Variants in DNAJC1 observed in about 807,000 individuals in gnomAD.
DNAJC1 encodes the protein dnaJ homolog subfamily C member 1.
A neutral mutation model predicts 76.6 loss-of-function variants in DNAJC1; 58 were observed. The observed-to-expected ratio is 0.76, with a 90% confidence interval of 0.61 to 0.94. DNAJC1 has a LOEUF of 0.94. DNAJC1 is among the 40% of genes least tolerant of loss of function. DNAJC1 has a pLI of 0.00. For synonymous variants in DNAJC1, 258 were observed against 267.9 expected, an observed-to-expected ratio of 0.96 and a Z score of 0.36; for missense variants, 689 against 677.3, an observed-to-expected ratio of 1.02 and a Z score of -0.19.
In DNAJC1 at chr10:21,766,266, G is replaced by A. The variant is rs1032034656; in HGVS notation, c.1142C>T (p.Ser381Phe). Reference sequence around the variant, plus strand: ...TAGAGGAAGTATGAACTCACCTGGGGAGCAGGTCACTGAATCCTTCAGTTG... The same window carrying A: ...TAGAGGAAGTATGAACTCACCTGGGAAGCAGGTCACTGAATCCTTCAGTTG... ...AKQLKDSVTC[S>F]PGMVRLSELK... Residue 381 changes from serine to phenylalanine, a missense_variant, in exon 10 of 12, where the codon TCC becomes TTC. Transcript: ENST00000376980. 6.8e-6 allele frequency: 11 copies of A among 1,611,624 alleles called. No homozygotes were observed. Among genetic ancestry groups the A allele is most frequent in the Non-Finnish European group, 9.3e-6 (11 of 1,177,882 alleles).
intron 8 of DNAJC1, among the ~76,000 whole-genome samples, chr10:21,866,239 C>T (rs1380909798): frequency 6.8e-6 from 1 of 146,554 alleles, no homozygotes. Context: ...TATTACATAA[C>T]AATGGAATGA....
At chr10:21,837,754 G>A (rs1188550088) in intron 8 of DNAJC1, among the ~76,000 whole-genome samples, 2 of 150,076 alleles carry the variant, frequency 1.3e-5, no homozygotes, top group Non-Finnish European at 3.0e-5. Flanking sequence ...CCTCTGCCCG[G>A]CAGCCGCCTG....
intron 8 of DNAJC1, among the ~76,000 whole-genome samples, chr10:21,842,912 ATGTTCTCAAATGTATCCCC>A (rs1359519762): frequency 6.6e-6 from 1 of 152,220 alleles, no homozygotes; most frequent in Admixed American, 6.5e-5. Flanking sequence ...AGGGGTCATT[ATGTTCTCAAATGTATCCCC>A]TGTGCTTAGT....
At chr10:21,799,992 C>G (rs1165505599) in intron 9 of DNAJC1, among the ~76,000 whole-genome samples, 1 of 152,140 alleles carries the variant, frequency 6.6e-6, no homozygotes, top group Non-Finnish European at 1.5e-5. Flanking sequence ...GTTTAAAGAT[C>G]TGTGTATGCT....
chr10:21,949,532 T>G lies in DNAJC1; in HGVS notation c.223-20391A>C, dbSNP rs183733007. On this transcript the variant is annotated intron_variant, in intron 1 of 11. Coordinates refer to ENST00000376980, the MANE Select transcript of DNAJC1 (RefSeq NM_022365.4). ...CCAGAGTTCAAGTGATTCTTGTGTT[T>G]CAGCCTCCCAAGTAGCTGGGATTAC... 2.6e-5 allele frequency among the ~76,000 whole-genome samples: 4 copies of G among 151,468 alleles called. No homozygotes were observed. In the East Asian group the frequency reaches 5.8e-4, roughly 22 times the overall value.
intron 1 of DNAJC1, among the ~76,000 whole-genome samples, chr10:21,944,098 T>C (rs546122641): frequency 2.0e-5 from 3 of 151,974 alleles, no homozygotes; most frequent in Admixed American, 1.3e-4. Flanking sequence ...TTCAACACTA[T>C]GCAAAACAGG....
At chr10:21,839,015 A>G (rs1359056946) in intron 8 of DNAJC1, among the ~76,000 whole-genome samples, 1 of 152,226 alleles carries the variant, frequency 6.6e-6, no homozygotes, top group African/African-American at 2.4e-5. Flanking sequence ...GTAAATAAAG[A>G]AAGGAAGGCA....
intron 8 of DNAJC1, among the ~76,000 whole-genome samples, chr10:21,872,494 A>G (rs186305136): frequency 4.0e-4 from 61 of 152,330 alleles, no homozygotes; most frequent in Admixed American, 9.8e-4. Context: ...TAAAGGGCAA[A>G]TAGAAATTCT....
At chr10:21,989,165 A>C (rs1838293994) in intron 1 of DNAJC1, among the ~76,000 whole-genome samples, 2 of 152,186 alleles carry the variant, frequency 1.3e-5, no homozygotes, top group Non-Finnish European at 2.9e-5. Flanking sequence ...AAACAACCTG[A>C]CCATAGTTCT....
chr10:21,862,093 T>A (rs918908152), intron 8 of DNAJC1, among the ~76,000 whole-genome samples: 11 of 151,852 alleles, frequency 7.2e-5, no homozygotes, highest in Non-Finnish European at 1.2e-4. Context: ...TAATTTTGTA[T>A]TTTTAGTAGA....
chr10:21,803,611 G>GTGTGTGTGTGTGTGTGTT (rs1834841180), intron 9 of DNAJC1, among the ~76,000 whole-genome samples: 2 of 151,158 alleles, frequency 1.3e-5, no homozygotes, highest in Non-Finnish European at 3.0e-5. Context: ...GTGTGTGTGT[G>GTGTGTGTGTGTGTGTGTT]TGTGTGTGTG....
At chr10:21,987,981 T>C (rs1042816596) in intron 1 of DNAJC1, among the ~76,000 whole-genome samples, 10 of 152,148 alleles carry the variant, frequency 6.6e-5, no homozygotes, top group African/African-American at 4.8e-5. Flanking sequence ...ATTGTATGTA[T>C]TTTCCATGTT....
intron 8 of DNAJC1, among the ~76,000 whole-genome samples, chr10:21,812,431 C>A (rs573339735): frequency 6.6e-6 from 1 of 152,122 alleles, no homozygotes; most frequent in South Asian, 2.1e-4. Context: ...GTGTTCATGT[C>A]TTTTGACCAT....
At chr10:21,821,347 T>G (rs912228394) in intron 8 of DNAJC1, among the ~76,000 whole-genome samples, 2 of 152,194 alleles carry the variant, frequency 1.3e-5, no homozygotes. Context: ...TATACAGTGG[T>G]ATATAGTTTT....
Position 21,829,594 on chromosome 10 carries a change from C to A in DNAJC1, c.979-23495G>T, listed in dbSNP as rs555022788. 2.6e-5 allele frequency among the ~76,000 whole-genome samples: 4 copies of A among 152,196 alleles called. No homozygotes were observed. The East Asian group carries it at 7.7e-4, about 29-fold the overall frequency. ...CTTGAACTCCTGACCTCAGGTGATC[C>A]ACCTGCCTCGGCCTCCCCAAGTGCT... On this transcript the variant is annotated intron_variant, in intron 8 of 11. Coordinates refer to ENST00000376980, the MANE Select transcript of DNAJC1 (RefSeq NM_022365.4).
At chr10:21,791,848 G>C (rs1834692543) in intron 9 of DNAJC1, among the ~76,000 whole-genome samples, 1 of 152,036 alleles carries the variant, frequency 6.6e-6, no homozygotes, top group Admixed American at 6.6e-5. Flanking sequence ...CCCAAAGTTA[G>C]CAGAAAGAAA....
At chr10:21,869,954 C>G (rs138773871) in intron 8 of DNAJC1, among the ~76,000 whole-genome samples, 1 of 151,812 alleles carries the variant, frequency 6.6e-6, no homozygotes, top group East Asian at 1.9e-4. Flanking sequence ...TAAAAAAATT[C>G]GTATTTTATA....
intron 3 of DNAJC1, 30 bp from the exon 4 acceptor site, chr10:21,920,993 G>C (rs762634485): frequency 8.7e-6 from 13 of 1,490,730 alleles, no homozygotes; most frequent in Admixed American, 2.3e-5. Flanking sequence ...GTTTTTCACG[G>C]GGAGTTTAAA....
chr10:21,929,778 A>C (rs1486272756), intron 1 of DNAJC1, among the ~76,000 whole-genome samples: 1 of 152,252 alleles, frequency 6.6e-6, no homozygotes, highest in Non-Finnish European at 1.5e-5. Flanking sequence ...TGGTTCATAC[A>C]AATAAATTTG....
Sources: allele counts gnomAD v4.1 joint callset (sites outside exome capture counted in the v4.1 genomes callset), GRCh38; gene constraint gnomAD v4.1.1; transcripts MANE v1.5; gene names NCBI Gene and HGNC (gene_info 2026-07-23, HGNC 2026-07-21).